Variants in FGR observed in about 807,000 individuals in gnomAD.
FGR encodes the protein tyrosine-protein kinase Fgr.
Under a neutral mutation model 63.2 loss-of-function variants are expected in FGR, and 26 were observed. The ratio of observed to expected loss-of-function variants is 0.41; its 90% CI spans 0.30 to 0.57. The LOEUF (loss-of-function observed/expected upper bound fraction) is 0.57, where lower values mean the gene tolerates loss of function less well. Among genes scored for constraint, FGR ranks in the 20% least tolerant of loss-of-function variants. FGR has a pLI of 0.27. For synonymous variants in FGR, 286 were observed against 277.7 expected (o/e 1.03, Z -0.30); for missense variants, 511 against 690.8 (o/e 0.74, Z 2.92).
rs2089826568 is a variant in FGR at position 27,617,033 on chromosome 1, C to T, written c.533-27G>A. On this transcript the variant is annotated intron_variant, in intron 6 of 12. Transcript: ENST00000374005. The surrounding 1 kb of genome is among the most constrained non-coding windows in gnomAD (Gnocchi z 4.5). ...TGTGGAGAGGATCACTTTTGATCTG[C>T]TGTTCTCCTCTGCCCTAGTCTGGGA... is the stretch of plus-strand genomic sequence containing the variant. 14 of 1,613,380 alleles carry T rather than the reference C, an allele frequency of 8.7e-6. No homozygotes were observed. Among genetic ancestry groups the T allele is most frequent in the Non-Finnish European group, 1.2e-5 (14 of 1,179,796 alleles).
chr1:27,622,951 A>G (rs773525962), intron 4 of FGR, 91 bp downstream of exon 4: 3 of 885,838 alleles, frequency 3.4e-6, no homozygotes, highest in Non-Finnish European at 5.7e-6. Flanking sequence ...ACTAGGCTGG[A>G]GCATTCTGAG....
chr1:27,630,110 T>A (rs891486650), intron 1 of FGR, among the ~76,000 whole-genome samples: 1 of 152,194 alleles, frequency 6.6e-6, no homozygotes, highest in African/African-American at 2.4e-5. Context: ...TGGAGTAAAG[T>A]GGCACAATCT....
Position 27,617,180 on chromosome 1 carries a change from G to A in FGR, c.532+13C>T, listed in dbSNP as rs754426280. The A allele has an allele frequency of 1.9e-6, 3 of 1,610,746 alleles. No individual in the cohort carries two copies. Among genetic ancestry groups the A allele is most frequent in the Non-Finnish European group, 2.5e-6 (3 of 1,176,998 alleles). On this transcript the variant is annotated intron_variant, in intron 6 of 12. Transcript: ENST00000374005. This position sits in a 1 kb window ranked among gnomAD's most constrained non-coding sequence, Gnocchi z 4.5. Reference sequence around the variant, plus strand: ...GGCCTCCCAGTCGCCTTGGGGCGTGGCACCACCCCTACCTTTGGTGGTCTC... The same window carrying A: ...GGCCTCCCAGTCGCCTTGGGGCGTGACACCACCCCTACCTTTGGTGGTCTC...
chr1:27,625,605 A>G (rs2090008276), intron 1 of FGR, among the ~76,000 whole-genome samples: 1 of 152,222 alleles, frequency 6.6e-6, no homozygotes, highest in African/African-American at 2.4e-5. Flanking sequence ...CTATCAAGCC[A>G]TGCTCAGCTC....
At chr1:27,614,981 C>T in intron 9 of FGR, 55 bp from the exon 10 acceptor site, 8 of 1,428,912 alleles carry the variant, frequency 5.6e-6, no homozygotes, top group Non-Finnish European at 7.7e-6. Context: ...CCCAGCCCCT[C>T]CTCCTCTCGC....
chr1:27,623,596 C>G, intron 3 of FGR, 95 bp downstream of exon 3: 1 of 1,272,260 alleles, frequency 7.9e-7, no homozygotes, highest in Non-Finnish European at 1.1e-6. Context: ...GCCACATCCT[C>G]CTGGAGGCTC....
Position 27,617,148 on chromosome 1 carries a change from A to C in FGR, c.532+45T>G. On this transcript the variant is annotated intron_variant, in intron 6 of 12. Transcript: ENST00000374005. The surrounding 1 kb of genome is among the most constrained non-coding windows in gnomAD (Gnocchi z 4.5). ...GCCTACCGCTCCTAGCCCTACCCCA[A>C]TGGCTGGGCCTCCCAGTCGCCTTGG... is the stretch of plus-strand genomic sequence containing the variant. 6.3e-7 allele frequency: 1 copy of C among 1,598,776 alleles called. No individual in the cohort carries two copies. Among genetic ancestry groups the C allele is most frequent in the Non-Finnish European group, 8.6e-7 (1 of 1,166,600 alleles).
rs1289604673 is a variant in FGR at position 27,616,615 on chromosome 1, G to C, written c.682+242C>G. ...CTCCATCAAGTTTCCACAAATTGAGGCCTTGAGGCAAGAAACTGGCCAATG... is the reference window on the plus strand; with the variant it reads ...CTCCATCAAGTTTCCACAAATTGAGCCCTTGAGGCAAGAAACTGGCCAATG... On this transcript the variant is annotated intron_variant, in intron 7 of 12. Coordinates refer to ENST00000374005, the MANE Select transcript of FGR (RefSeq NM_005248.3). The surrounding 1 kb of genome is among the most constrained non-coding windows in gnomAD (Gnocchi z 4.3). Among the ~76,000 whole-genome samples, 1 of 152,226 alleles carries C rather than the reference G, an allele frequency of 6.6e-6. No individual in the cohort carries two copies. The highest frequency in any genetic ancestry group is 1.5e-5 in the Non-Finnish European group (1 of 68,044).
intron 1 of FGR, among the ~76,000 whole-genome samples, chr1:27,633,786 A>G (rs2090138948): frequency 6.6e-6 from 1 of 152,090 alleles, no homozygotes; most frequent in Non-Finnish European, 1.5e-5. Flanking sequence ...CCTCCTCTGC[A>G]TGTTTTTGAG....
intron 11 of FGR, 50 bp downstream of exon 11, chr1:27,614,380 A>T (rs2089757819): frequency 6.3e-7 from 1 of 1,582,482 alleles, no homozygotes; most frequent in African/African-American, 1.3e-5. Context: ...GCCCCATGGA[A>T]GTCCCTTGTT....
chr1:27,626,341 C>A, intron 1 of FGR: 1 of 397,334 alleles, frequency 2.5e-6, no homozygotes, highest in South Asian at 1.4e-4. Flanking sequence ...AGAGGGGCCC[C>A]AAGGTCCTAG....
intron 11 of FGR, 115 bp from the exon 12 acceptor site, chr1:27,613,465 G>A (rs1291050755): frequency 3.5e-6 from 4 of 1,149,532 alleles, no homozygotes; most frequent in Non-Finnish European, 4.9e-6. Context: ...CACTTTGGGA[G>A]GCCAAGGCAG....
rs1467799748 is a variant in FGR, at chr1:27,617,196, T to C, written c.529A>G (p.Lys177Glu). The stretch of plus-strand genomic sequence containing the variant: ...TGGGGCGTGGCACCACCCCTACCTT[T>C]GGTGGTCTCGCTTTCCCGAATGAGA... ...AFLIRESETT[K>E]GAYSLSIRDW... is the part of the protein sequence containing the mutation. Residue 177 changes from lysine (K) to glutamate (E), a missense_variant, in exon 6 of 13, where the codon AAA (lysine) becomes GAA (glutamate). Physicochemically the swap from Lys to Glu is moderately conservative, Grantham distance 56 (BLOSUM62 1). Transcript: ENST00000374005. The surrounding 1 kb of genome is among the most constrained non-coding windows in gnomAD (Gnocchi z 4.5). 1 of 1,613,184 alleles carries C rather than the reference T, an allele frequency of 6.2e-7. No homozygotes were observed. The highest frequency in any genetic ancestry group is 8.5e-7 in the Non-Finnish European group (1 of 1,179,140).
At chr1:27,626,113 A>G in intron 1 of FGR, 1 of 398,664 alleles carries the variant, frequency 2.5e-6, no homozygotes, top group African/African-American at 2.1e-5. Flanking sequence ...CTACCAGAGT[A>G]CCTTGGGAAG....
rs1171068500 is a variant in FGR at position 27,613,364 on chromosome 1, G to C, written c.1250-14C>G. The C allele has an allele frequency of 6.2e-7, 1 of 1,612,960 alleles. No individual in the cohort carries two copies. Among genetic ancestry groups the C allele is most frequent in the South Asian group, 1.1e-5 (1 of 91,024 alleles). On this transcript the variant is annotated splice_polypyrimidine_tract_variant and intron_variant, in intron 11 of 12. Coordinates refer to ENST00000374005, the MANE Select transcript of FGR (RefSeq NM_005248.3). ...GGAACTTGGAACCTGGAGAAGATGG[G>C]GGAGCAGGGAAAGTTAGTGAGGGGG...
intron 2 of FGR, among the ~76,000 whole-genome samples, 152 bp downstream of exon 2, chr1:27,624,937 A>G (rs1402694577): frequency 2.0e-5 from 3 of 152,104 alleles, no homozygotes; most frequent in Non-Finnish European, 4.4e-5. Flanking sequence ...TCCAGCCTTC[A>G]GCCTCTCAAG....
intron 4 of FGR, 59 bp from the exon 5 acceptor site, chr1:27,621,716 G>A (rs558480555): frequency 5.0e-5 from 60 of 1,189,756 alleles, no homozygotes; most frequent in African/African-American, 4.8e-4. Context: ...GCACCCTGAG[G>A]CCAGGTGGAG....
At position 27,617,115 on chromosome 1, in the gene FGR, C is replaced by T; in HGVS notation, c.532+78G>A. 1 of 1,597,614 alleles carries T rather than the reference C, an allele frequency of 6.3e-7. No homozygotes were observed. Among genetic ancestry groups the T allele is most frequent in the Non-Finnish European group, 8.6e-7 (1 of 1,167,030 alleles). Reference sequence around the variant, plus strand: ...GACCTGGTCCCAGTCTTGGCCTTAACCCAAGCAGCCTACCGCTCCTAGCCC... The same window carrying T: ...GACCTGGTCCCAGTCTTGGCCTTAATCCAAGCAGCCTACCGCTCCTAGCCC... On this transcript the variant is annotated intron_variant, in intron 6 of 12. Transcript: ENST00000374005. This position sits in a 1 kb window ranked among gnomAD's most constrained non-coding sequence, Gnocchi z 4.5.
In FGR at chr1:27,615,271, C is replaced by A. The variant is rs190609260; in HGVS notation, c.1018+163G>T. Among the ~76,000 whole-genome samples, 216 of 152,214 alleles carry A rather than the reference C, an allele frequency of 1.4e-3. No individual in the cohort carries two copies. Among genetic ancestry groups the A allele is most frequent in the African/African-American group, 5.2e-3 (214 of 41,516 alleles). Reference sequence around the variant, plus strand: ...AGCTCCCTAGTGGTCTCACTCGGCCCGGCTCCCACCTCAGCCCTCCAGTCG... The same window carrying A: ...AGCTCCCTAGTGGTCTCACTCGGCCAGGCTCCCACCTCAGCCCTCCAGTCG... On this transcript the variant is annotated intron_variant, in intron 9 of 12. Coordinates refer to ENST00000374005, the MANE Select transcript of FGR (RefSeq NM_005248.3). The surrounding 1 kb of genome is among the most constrained non-coding windows in gnomAD (Gnocchi z 7.6).
Sources: gnomAD v4.1 joint callset for allele counts (sites outside exome capture counted in the v4.1 genomes callset) on GRCh38, gnomAD v4.1.1 for gene constraint, Gnocchi (gnomAD v3.1) non-coding constraint, MANE v1.5 for transcripts, NCBI Gene and HGNC (gene_info 2026-07-23, HGNC 2026-07-21) for gene names.